Variants in ALK observed in about 807,000 individuals in gnomAD.
The protein encoded by ALK is ALK tyrosine kinase receptor.
A neutral mutation model predicts 163.1 loss-of-function variants in ALK; 74 were observed. That is an observed-to-expected ratio of 0.45 (90% CI 0.38 to 0.55). The LOEUF (loss-of-function observed/expected upper bound fraction) is 0.55. Ranked by LOEUF, ALK falls within the 20% of genes least tolerant of loss-of-function variation. ALK has a pLI of 0.00. For synonymous variants in ALK, 960 were observed against 843.2 expected (o/e 1.14, Z -2.40); for missense variants, 2,063 against 2,105.3 (o/e 0.98, Z 0.39).
intron 1 of ALK, among the ~76,000 whole-genome samples, chr2:29,857,908 C>G (rs930587539): frequency 2.0e-5 from 3 of 152,162 alleles, no homozygotes; most frequent in Non-Finnish European, 4.4e-5. Flanking sequence ...CAGAGTGATC[C>G]TGTGGTGTCC....
At chr2:29,835,407 A>G (rs1172840594) in intron 1 of ALK, among the ~76,000 whole-genome samples, 1 of 152,200 alleles carries the variant, frequency 6.6e-6, no homozygotes, top group Non-Finnish European at 1.5e-5. Flanking sequence ...TTCTTACAAG[A>G]GACAAGAAAC....
In ALK at chr2:29,196,809, G is replaced by A. The variant is rs765457749; in HGVS notation, c.4125C>T (p.Asn1375=). 1 of 1,614,172 alleles carries A rather than the reference G, an allele frequency of 6.2e-7. No individual in the cohort carries two copies. Among genetic ancestry groups the A allele is most frequent in the East Asian group, 2.2e-5 (1 of 44,884 alleles). Residue 1375 remains asparagine (N), a synonymous_variant, in exon 28 of 29, where the codon AAC becomes AAT. Coordinates refer to ENST00000389048, the MANE Select transcript of ALK (RefSeq NM_004304.5). ...CWQHQPEDRP[N]FAIILERIEY... ...CAATCCTCTCCAAAATGATGGCAAA[G>A]TTGGGCCTGTCTTCAGGCTGATGTT... is the stretch of plus-strand genomic sequence containing the variant.
At chr2:29,665,546 A>AT (rs1258652938) in intron 3 of ALK, among the ~76,000 whole-genome samples, 1 of 151,958 alleles carries the variant, frequency 6.6e-6, no homozygotes, top group Non-Finnish European at 1.5e-5. Flanking sequence ...TAAATAACTT[A>AT]TTATAGCATT....
intron 11 of ALK, among the ~76,000 whole-genome samples, chr2:29,256,517 G>C (rs1381659058): frequency 6.6e-6 from 1 of 152,094 alleles, no homozygotes; most frequent in Non-Finnish European, 1.5e-5. Context: ...AACTGGTCTA[G>C]CCAGGAACTA....
At chr2:29,336,089 T>C (rs1231016041) in intron 5 of ALK, among the ~76,000 whole-genome samples, 1 of 152,136 alleles carries the variant, frequency 6.6e-6, no homozygotes, top group Non-Finnish European at 1.5e-5. Flanking sequence ...CCTCAGGCAA[T>C]TCTCAGGGGC....
At chr2:29,544,643 T>C (rs1673505195) in intron 3 of ALK, among the ~76,000 whole-genome samples, 1 of 152,054 alleles carries the variant, frequency 6.6e-6, no homozygotes, top group South Asian at 2.1e-4. Context: ...ATGTCTAATC[T>C]ATATCTATAT....
At chr2:29,741,547 C>G (rs776226511) in intron 1 of ALK, among the ~76,000 whole-genome samples, 21 of 152,128 alleles carry the variant, frequency 1.4e-4, no homozygotes, top group Non-Finnish European at 2.4e-4. Flanking sequence ...TCAATCTTCA[C>G]AAAAACAATC....
intron 6 of ALK, among the ~76,000 whole-genome samples, chr2:29,321,833 T>A (rs1464430080): frequency 6.6e-6 from 1 of 152,214 alleles, no homozygotes; most frequent in African/African-American, 2.4e-5. Flanking sequence ...CTTTATATCA[T>A]CAGTGGGCTC....
At chr2:29,768,302 A>G (rs534872910) in intron 1 of ALK, among the ~76,000 whole-genome samples, 17 of 152,346 alleles carry the variant, frequency 1.1e-4, no homozygotes, top group African/African-American at 3.8e-4. Flanking sequence ...GGCCCAGTAA[A>G]TGGTAATTAA....
intron 2 of ALK, among the ~76,000 whole-genome samples, chr2:29,700,802 G>A (rs1038388166): frequency 1.3e-5 from 2 of 152,128 alleles, no homozygotes; most frequent in Non-Finnish European, 2.9e-5. Context: ...AGAAAACCAC[G>A]GTGGTGACCC....
intron 1 of ALK, among the ~76,000 whole-genome samples, chr2:29,805,489 C>G (rs557702037): frequency 6.6e-6 from 1 of 152,252 alleles, no homozygotes; most frequent in South Asian, 2.1e-4. Context: ...TGCTGATGCT[C>G]TCCTTCCTCC....
chr2:29,208,669 G>A (rs1669379107), intron 25 of ALK, among the ~76,000 whole-genome samples: 1 of 152,162 alleles, frequency 6.6e-6, no homozygotes, highest in Non-Finnish European at 1.5e-5. Flanking sequence ...ATGTTTGATG[G>A]AGGCCTTCAG....
intron 26 of ALK, among the ~76,000 whole-genome samples, chr2:29,205,428 CCAACCAAA>C (rs1327789650): frequency 5.3e-5 from 8 of 152,296 alleles, no homozygotes; most frequent in South Asian, 2.1e-4. Flanking sequence ...AACCAACCAA[CCAACCAAA>C]CAACCACATG....
rs1664809619 is a variant in ALK at position 29,251,244 on chromosome 2, C to G, written c.2065G>C (p.Gly689Arg). The change falls in exon 12 of 29, where the codon GGG becomes CGG. Residue 689 changes from glycine to arginine, a missense_variant. By Grantham distance (125) the Gly-to-Arg change is moderately radical. Around this residue, in one of 5 missense-constraint regions of ALK, gnomAD observed 987 missense variants for 939.5 expected, o/e 1.05. Coordinates refer to ENST00000389048, the MANE Select transcript of ALK (RefSeq NM_004304.5). ...PTVHWLFTTC[G>R]ASGPHGPTQA... is the part of the protein sequence containing the mutation. ...GTGGGGCCATGGGGCCCGCTGGCCCCACATGTGGTGAACAGCCAATGAACT... is the reference window on the plus strand; with the variant it reads ...GTGGGGCCATGGGGCCCGCTGGCCCGACATGTGGTGAACAGCCAATGAACT... 1.2e-6 allele frequency: 2 copies of G among 1,613,918 alleles called. No individual in the cohort carries two copies. Among genetic ancestry groups the G allele is most frequent in the Non-Finnish European group, 1.7e-6 (2 of 1,179,962 alleles).
intron 3 of ALK, among the ~76,000 whole-genome samples, chr2:29,615,723 A>AC (rs1371913127): frequency 6.6e-6 from 1 of 152,220 alleles, no homozygotes; most frequent in Non-Finnish European, 1.5e-5. Flanking sequence ...TCACCATGGC[A>AC]CACAGTAGGT....
rs923570116 is a variant in ALK, at chr2:29,220,671, C to G, written c.3645+35G>C. On this transcript the variant is annotated intron_variant, in intron 23 of 28. Coordinates refer to ENST00000389048, the MANE Select transcript of ALK (RefSeq NM_004304.5). ...CTTCCATCCTTGCTCCTGTCCTTGG[C>G]ACAACAACTGCAGCAAAGACTGGTT... The G allele has an allele frequency of 7.1e-5, 115 of 1,612,702 alleles. No individual in the cohort carries two copies. In the East Asian group the frequency reaches 2.6e-3, roughly 36 times the overall value.
At chr2:29,559,350 G>A (rs921006197) in intron 3 of ALK, among the ~76,000 whole-genome samples, 1 of 152,170 alleles carries the variant, frequency 6.6e-6, no homozygotes, top group African/African-American at 2.4e-5. Context: ...ATCTGAGTAG[G>A]ACTGATTAAA....
At chr2:29,619,228 A>G (rs1036312622) in intron 3 of ALK, among the ~76,000 whole-genome samples, 1 of 152,212 alleles carries the variant, frequency 6.6e-6, no homozygotes, top group Admixed American at 6.5e-5. Context: ...ATCTTTGCAC[A>G]GTGGAGAGCC....
In ALK at chr2:29,691,972, T is replaced by A. The variant is rs186333486; in HGVS notation, c.952+2878A>T. Among the ~76,000 whole-genome samples the A allele has an allele frequency of 9.1e-4, 138 of 152,248 alleles. 1 individual carries two copies. Among genetic ancestry groups the A allele is most frequent in the African/African-American group, 3.1e-3 (129 of 41,558 alleles). ...CTGGAATATAAATTTTTAAAAAACC[T>A]GTAACGACCAAAAAAAATGTTTCTA... On this transcript the variant is annotated intron_variant, in intron 3 of 28. Coordinates refer to ENST00000389048, the MANE Select transcript of ALK (RefSeq NM_004304.5).
Sources: gnomAD v4.1 joint callset for allele counts (sites outside exome capture counted in the v4.1 genomes callset) on GRCh38, gnomAD v4.1.1 for gene constraint, gnomAD v4.1.1 regional missense constraint, MANE v1.5 for transcripts, NCBI Gene and HGNC (gene_info 2026-07-23, HGNC 2026-07-21) for gene names.